DCLK1: variants seen among roughly 807,000 people sequenced by gnomAD.
DCLK1 encodes the protein serine/threonine-protein kinase DCLK1.
In DCLK1, 16 loss-of-function variants were observed where a neutral mutation model predicts 86.2. The ratio of observed to expected loss-of-function variants is 0.19; its 90% CI spans 0.13 to 0.28. DCLK1 has a LOEUF of 0.28. DCLK1 is among the 10% of genes least tolerant of loss of function. The pLI is 1.00. For missense variants in DCLK1, 590 were observed against 940.2 expected (o/e 0.63, Z 4.87); for synonymous variants, 369 against 370.5 (o/e 1.00, Z 0.05).
At chr13:36,032,423 C>T (rs964132592) in intron 3 of DCLK1, among the ~76,000 whole-genome samples, 1 of 152,172 alleles carries the variant, frequency 6.6e-6, no homozygotes, top group Non-Finnish European at 1.5e-5. Flanking sequence ...GGATTATAGG[C>T]GTGAGCCACT....
chr13:35,857,574 T>C (rs1359505890), intron 5 of DCLK1, among the ~76,000 whole-genome samples: 3 of 152,250 alleles, frequency 2.0e-5, no homozygotes, highest in Non-Finnish European at 4.4e-5. Flanking sequence ...CCTTTTGCAG[T>C]GAATGACTCT....
In DCLK1 at chr13:35,947,401, C is replaced by T. The variant is rs146364649; in HGVS notation, c.780G>A (p.Pro260=). Reference sequence around the variant, plus strand: ...AATCATCCTGGTAACGGAACTTCTCCGGTCCACATGCAATAAAAATGTCAT... The same window carrying T: ...AATCATCCTGGTAACGGAACTTCTCTGGTCCACATGCAATAAAAATGTCAT... ...GDDDIFIACG[P]EKFRYQDDFL... is the part of the protein sequence containing the mutation. The change falls in exon 4 of 17, where the codon CCG becomes CCA. Residue 260 remains proline (P), a synonymous_variant. Transcript: ENST00000360631. 438 of 1,613,844 alleles carry T rather than the reference C, an allele frequency of 2.7e-4. 1 individual carries two copies. The highest frequency in any genetic ancestry group is 1.9e-3 in the South Asian group (169 of 91,054).
intron 6 of DCLK1, among the ~76,000 whole-genome samples, chr13:35,839,910 C>CT (rs1869671200): frequency 6.6e-6 from 1 of 152,208 alleles, no homozygotes; most frequent in South Asian, 2.1e-4. Context: ...TGGGGCAGTA[C>CT]TTTAACAATG....
intron 4 of DCLK1, among the ~76,000 whole-genome samples, chr13:35,873,044 C>T (rs1872380792): frequency 6.6e-6 from 1 of 152,036 alleles, no homozygotes; most frequent in Non-Finnish European, 1.5e-5. Context: ...TCAGGTCACT[C>T]CTTATATTCT....
chr13:35,959,338 A>T (rs1403381124), intron 3 of DCLK1, among the ~76,000 whole-genome samples: 1 of 152,152 alleles, frequency 6.6e-6, no homozygotes, highest in African/African-American at 2.4e-5. Context: ...TAACATACAC[A>T]GTGAAGTGGG....
chr13:35,848,909 A>G, intron 6 of DCLK1: 1 of 985,404 alleles, frequency 1.0e-6, no homozygotes, highest in Non-Finnish European at 1.2e-6. Context: ...TTACTGTTTC[A>G]GCTAAAATAA....
At chr13:36,106,551 T>G (rs181255298) in intron 3 of DCLK1, among the ~76,000 whole-genome samples, 1 of 152,204 alleles carries the variant, frequency 6.6e-6, no homozygotes, top group Non-Finnish European at 1.5e-5. Flanking sequence ...TAAAAAGTAT[T>G]ACATTCCCTT....
intron 3 of DCLK1, among the ~76,000 whole-genome samples, chr13:36,043,619 A>G (rs1317231443): frequency 6.6e-6 from 1 of 152,152 alleles, no homozygotes; most frequent in Non-Finnish European, 1.5e-5. Flanking sequence ...AATATCAGAG[A>G]TAATGAATAG....
chr13:35,853,787 C>T (rs1316397520), intron 6 of DCLK1, among the ~76,000 whole-genome samples: 2 of 152,074 alleles, frequency 1.3e-5, no homozygotes, highest in African/African-American at 4.8e-5. Context: ...TGGCATTGTA[C>T]CTCCCCCTTT....
intron 10 of DCLK1, among the ~76,000 whole-genome samples, chr13:35,824,653 CCT>C (rs890219974): frequency 1.3e-5 from 2 of 152,094 alleles, no homozygotes; most frequent in Non-Finnish European, 2.9e-5. Context: ...TCCGTGAGCT[CCT>C]TATCCAAAGC....
chr13:35,890,209 C>T (rs557927311), intron 4 of DCLK1, among the ~76,000 whole-genome samples: 5 of 152,024 alleles, frequency 3.3e-5, no homozygotes, highest in Non-Finnish European at 5.9e-5. Flanking sequence ...TAGTTCAATA[C>T]GCTATAGATA....
chr13:36,098,938 G>A (rs1022199399), intron 3 of DCLK1, among the ~76,000 whole-genome samples: 1 of 151,800 alleles, frequency 6.6e-6, no homozygotes, highest in Non-Finnish European at 1.5e-5. Context: ...TTAGCATGCT[G>A]GTACACAAAA....
intron 3 of DCLK1, among the ~76,000 whole-genome samples, chr13:35,952,535 C>CTTGAG (rs1877756181): frequency 6.6e-6 from 1 of 152,206 alleles, no homozygotes; most frequent in Non-Finnish European, 1.5e-5. Flanking sequence ...CTCAGGGCCT[C>CTTGAG]TTGAGATCTG....
Position 35,773,153 on chromosome 13 carries a change from C to T in DCLK1, c.*1382G>A, listed in dbSNP as rs2086364309. The T allele has an allele frequency of 6.6e-6, 1 of 152,478 alleles. No individual in the cohort carries two copies. Among genetic ancestry groups the T allele is most frequent in the Non-Finnish European group, 1.5e-5 (1 of 68,052 alleles). 9.4% of individuals were successfully genotyped at this position (152,478 alleles called of 1,614,324 possible). A position where few individuals can be genotyped will look rare whatever the true frequency, so the allele number is the denominator to read the frequency against. On this transcript the variant is annotated 3_prime_UTR_variant, in exon 17 of 17. Transcript: ENST00000360631. ...CCCCATTCTAAAATGGAATCTGTTC[C>T]AGAAGAAACTCAGGCCTGGAGACAC...
chr13:35,896,889 A>G (rs540555892), intron 4 of DCLK1, among the ~76,000 whole-genome samples: 37 of 152,206 alleles, frequency 2.4e-4, no homozygotes, highest in Middle Eastern at 3.4e-3. Flanking sequence ...ACCCATCTTG[A>G]GGGTTGTGAG....
chr13:35,988,118 A>T (rs936146119), intron 3 of DCLK1, among the ~76,000 whole-genome samples: 3 of 152,156 alleles, frequency 2.0e-5, no homozygotes, highest in African/African-American at 7.2e-5. Flanking sequence ...TGGAAGACCC[A>T]GCCCCACTGT....
At chr13:35,867,963 A>AAGAAAGAAAGAAAGAGAG (rs796441369) in intron 5 of DCLK1, among the ~76,000 whole-genome samples, 9 of 135,238 alleles carry the variant, frequency 6.7e-5, no homozygotes, top group African/African-American at 2.4e-4. Flanking sequence ...GAAAGAAAGA[A>AAGAAAGAAAGAAAGAGAG]AGAGAAAAAG....
intron 4 of DCLK1, among the ~76,000 whole-genome samples, chr13:35,906,852 A>G (rs770825658): frequency 6.6e-6 from 1 of 152,184 alleles, no homozygotes; most frequent in African/African-American, 2.4e-5. Flanking sequence ...AAACTTGATT[A>G]TGCAAATTGA....
At chr13:35,807,270 G>A (rs1462898921) in intron 14 of DCLK1, among the ~76,000 whole-genome samples, 1 of 152,140 alleles carries the variant, frequency 6.6e-6, no homozygotes, top group East Asian at 1.9e-4. Context: ...ATTTTCAAGT[G>A]CACAGTTCAC....
Sources: allele counts gnomAD v4.1 joint callset (sites outside exome capture counted in the v4.1 genomes callset), GRCh38; gene constraint gnomAD v4.1.1; transcripts MANE v1.5; gene names NCBI Gene and HGNC (gene_info 2026-07-23, HGNC 2026-07-21).